KLHL8: variants seen among roughly 807,000 people sequenced by gnomAD.
KLHL8 encodes the protein kelch like family member 8, also known as kelch-like protein 8.
In KLHL8, 38 loss-of-function variants were observed where a neutral mutation model predicts 63.5. The ratio of observed to expected loss-of-function variants is 0.60; its 90% CI spans 0.46 to 0.78. The LOEUF (loss-of-function observed/expected upper bound fraction) is 0.78. Ranked by LOEUF, KLHL8 falls within the 30% of genes least tolerant of loss-of-function variation. The pLI, the probability that KLHL8 is intolerant of heterozygous loss-of-function variation, is 0.00. For missense variants in KLHL8, 566 were observed against 752.4 expected, an observed-to-expected ratio of 0.75 and a Z score of 2.90; for synonymous variants, 224 against 254.3, an observed-to-expected ratio of 0.88 and a Z score of 1.13.
intron 1 of KLHL8, among the ~76,000 whole-genome samples, chr4:87,204,837 G>A (rs113483929): frequency 0.079 from 12,058 of 152,042 alleles, 647 homozygotes; most frequent in Non-Finnish European, 0.12. Context: ...AAAAGGAGAC[G>A]GCAAAAAGAG....
intron 1 of KLHL8, chr4:87,207,204 T>C (rs1732165671): frequency 3.5e-6 from 2 of 570,990 alleles, no homozygotes; most frequent in Non-Finnish European, 6.6e-6. Flanking sequence ...TTCATTGACC[T>C]CAACTACATG....
At chr4:87,163,699 C>G (rs1353757616) in intron 9 of KLHL8, 57 bp from the exon 10 acceptor site, 1 of 1,601,028 alleles carries the variant, frequency 6.2e-7, no homozygotes, top group Admixed American at 1.7e-5. Context: ...ACTCAAAATA[C>G]TAACCAAAGA....
intron 2 of KLHL8, 25 bp from the exon 3 acceptor site, chr4:87,185,824 T>C (rs781321642): frequency 6.5e-7 from 1 of 1,526,722 alleles, no homozygotes; most frequent in Non-Finnish European, 8.8e-7. Flanking sequence ...CCAAGAAAGA[T>C]TCTGTTTAAT....
chr4:87,224,734 C>G (rs562899749), upstream of KLHL8, among the ~76,000 whole-genome samples: 43 of 152,166 alleles, frequency 2.8e-4, no homozygotes, highest in Non-Finnish European at 4.7e-4. Context: ...CTAAGACACA[C>G]ATGTGGATGG....
intron 1 of KLHL8, among the ~76,000 whole-genome samples, chr4:87,201,301 T>C (rs1206143583): frequency 6.6e-6 from 1 of 152,154 alleles, no homozygotes; most frequent in African/African-American, 2.4e-5. Flanking sequence ...CACTACATAA[T>C]GACAAAAGTG....
chr4:87,239,024 A>AT (rs1225432307), intron 1 of KLHL8, among the ~76,000 whole-genome samples: 4 of 152,192 alleles, frequency 2.6e-5, no homozygotes, highest in Admixed American at 2.6e-4. Flanking sequence ...ATTCTATTAT[A>AT]TTTTTTAAAA....
At chr4:87,214,448 A>ATATATATATG (rs1732520596) in intron 1 of KLHL8, among the ~76,000 whole-genome samples, 1 of 97,358 alleles carries the variant, frequency 1.0e-5, no homozygotes, top group African/African-American at 4.2e-5. Context: ...ATATATATAT[A>ATATATATATG]TATATATATA....
intron 1 of KLHL8, among the ~76,000 whole-genome samples, chr4:87,230,663 T>G (rs1246442748): frequency 6.6e-6 from 1 of 152,192 alleles, no homozygotes; most frequent in African/African-American, 2.4e-5. Context: ...TAAGTACTGA[T>G]TATATTATTA....
intron 2 of KLHL8, among the ~76,000 whole-genome samples, chr4:87,192,153 G>A (rs1388357806): frequency 6.6e-6 from 1 of 152,154 alleles, no homozygotes; most frequent in Non-Finnish European, 1.5e-5. Flanking sequence ...TGGGTTGAAT[G>A]GTAGTTCAAG....
chr4:87,239,971 G>C (rs1733299521), intron 1 of KLHL8, among the ~76,000 whole-genome samples: 1 of 152,024 alleles, frequency 6.6e-6, no homozygotes, highest in Non-Finnish European at 1.5e-5. Context: ...CCCTCATCTG[G>C]TAGGCACTGA....
chr4:87,233,093 G>A (rs1355154756), intron 1 of KLHL8, among the ~76,000 whole-genome samples: 1 of 151,992 alleles, frequency 6.6e-6, no homozygotes, highest in Non-Finnish European at 1.5e-5. Flanking sequence ...AGGCTGGGGT[G>A]TAGTGACATG....
At chr4:87,201,296 C>A (rs575682907) in intron 1 of KLHL8, among the ~76,000 whole-genome samples, 2 of 152,270 alleles carry the variant, frequency 1.3e-5, no homozygotes, top group Non-Finnish European at 2.9e-5. Context: ...AAAGACACTA[C>A]ATAATGACAA....
chr4:87,185,122 T>A (rs768543671), intron 3 of KLHL8, 129 bp downstream of exon 3: 64 of 899,040 alleles, frequency 7.1e-5, no homozygotes, highest in Non-Finnish European at 9.7e-5. Flanking sequence ...TAAAAGCCAT[T>A]TCTATTATTT....
rs933940953 is a variant in KLHL8 at position 87,185,513 on chromosome 4, T to C, written c.503A>G (p.Asn168Ser). The C allele has an allele frequency of 9.3e-6, 15 of 1,614,034 alleles. No individual in the cohort carries two copies. The highest frequency in any genetic ancestry group is 4.4e-5 in the South Asian group (4 of 91,088). Residue 168 changes from asparagine (N) to serine (S), a missense_variant, in exon 3 of 10, where the codon AAT (asparagine) becomes AGT (serine). Coordinates refer to ENST00000273963, the MANE Select transcript of KLHL8 (RefSeq NM_020803.5). ...TGCAAAGGCTCTTACTGCCAGGCAA[T>C]TGGAGGGATGAAAATGTAACTTCAT... ...EYMKLHFHPS[N>S]CLAVRAFAES...
chr4:87,223,078 G>A (rs1379187724), upstream of KLHL8, among the ~76,000 whole-genome samples: 2 of 151,956 alleles, frequency 1.3e-5, no homozygotes, highest in African/African-American at 4.8e-5. Context: ...CACCTCCCGA[G>A]TAGCTGGAAT....
chr4:87,188,796 G>A (rs967318259), intron 2 of KLHL8, among the ~76,000 whole-genome samples: 5 of 152,156 alleles, frequency 3.3e-5, no homozygotes, highest in Admixed American at 3.3e-4. Context: ...AAGACCTGAT[G>A]TTTAAAATTG....
intron 1 of KLHL8, chr4:87,207,294 T>C: frequency 1.7e-6 from 1 of 592,512 alleles, no homozygotes; most frequent in Non-Finnish European, 3.1e-6. Context: ...TTGTCATCAG[T>C]GGAAATCCCA....
rs376007459 is a variant in KLHL8, at chr4:87,220,565, C to T, written c.-299G>A. ...CGCTCTCCTGCGCGGCCCCGCGGAG[C>T]CCCGGCGGGCGCTTGGCGTCCTCTC... On this transcript the variant is annotated 5_prime_UTR_variant, in exon 1 of 10. Coordinates refer to ENST00000273963, the MANE Select transcript of KLHL8 (RefSeq NM_020803.5). 6.6e-6 allele frequency: 1 copy of T among 152,052 alleles called. No individual in the cohort carries two copies. The highest frequency in any genetic ancestry group is 1.9e-4 in the East Asian group (1 of 5,184). 9.4% of individuals were successfully genotyped at this position (152,052 alleles called of 1,614,324 possible).
intron 2 of KLHL8, among the ~76,000 whole-genome samples, chr4:87,188,071 C>T (rs145506889): frequency 1.1e-4 from 17 of 152,226 alleles, no homozygotes; most frequent in African/African-American, 3.9e-4. Flanking sequence ...GTCTGTTATG[C>T]TATATTAAAT....
Sources: allele counts gnomAD v4.1 joint callset (sites outside exome capture counted in the v4.1 genomes callset), GRCh38; gene constraint gnomAD v4.1.1; transcripts MANE v1.5; gene names NCBI Gene and HGNC (gene_info 2026-07-23, HGNC 2026-07-21).